TMEM214: variants seen among roughly 807,000 people sequenced by gnomAD.
The protein encoded by TMEM214 is transmembrane protein 214.
TMEM214 carries 71 observed loss-of-function variants against 89.8 expected under a neutral mutation model. That is an observed-to-expected ratio of 0.79 (90% CI 0.65 to 0.96). The LOEUF (loss-of-function observed/expected upper bound fraction) is 0.96, where lower values mean the gene tolerates loss of function less well. Among genes scored for constraint, TMEM214 ranks in the 40% least tolerant of loss-of-function variants. TMEM214 has a pLI of 0.00. For synonymous variants in TMEM214, 332 were observed against 349.5 expected, an observed-to-expected ratio of 0.95 and a Z score of 0.56; for missense variants, 754 against 843.4, an observed-to-expected ratio of 0.89 and a Z score of 1.31.
Position 27,038,654 on chromosome 2 carries a change from G to T in TMEM214, c.1294-48G>T, listed in dbSNP as rs773307892. ...CCTGTTGGCATGGAAAATGAAGCAG[G>T]ATGGAAGCTCTGGATTCCCTCACAG... On this transcript the variant is annotated intron_variant, in intron 11 of 16. Coordinates refer to ENST00000238788, the MANE Select transcript of TMEM214 (RefSeq NM_017727.5). This position sits in a 1 kb window ranked among gnomAD's most constrained non-coding sequence, Gnocchi z 4.4. The T allele has an allele frequency of 6.2e-7, 1 of 1,606,482 alleles. No homozygotes were observed.
At chr2:27,034,341 G>A in intron 2 of TMEM214, 75 bp downstream of exon 2, 1 of 1,510,106 alleles carries the variant, frequency 6.6e-7, no homozygotes, top group Non-Finnish European at 9.0e-7. Flanking sequence ...AGGGGGAGGT[G>A]GATGGGCAGC....
At position 27,038,796 on chromosome 2, in the gene TMEM214, C is replaced by T; in HGVS notation, c.1388C>T (p.Thr463Ile). Reference sequence around the variant, plus strand: ...AGCAGTAACAACCAGGATGTCGTCACCTGTGACATGGCCTGCAAGGTGCTG... The same window carrying T: ...AGCAGTAACAACCAGGATGTCGTCATCTGTGACATGGCCTGCAAGGTGCTG... ...KGSSNNQDVVTCDMACKGLLQ... is the reference protein window; with the variant it reads ...KGSSNNQDVVICDMACKGLLQ... Residue 463 changes from threonine to isoleucine, a missense_variant, in exon 12 of 17, where the codon ACC (threonine) becomes ATC (isoleucine). Coordinates refer to ENST00000238788, the MANE Select transcript of TMEM214 (RefSeq NM_017727.5). This position sits in a 1 kb window ranked among gnomAD's most constrained non-coding sequence, Gnocchi z 4.4. The T allele has an allele frequency of 6.2e-7, 1 of 1,614,122 alleles. No homozygotes were observed. The highest frequency in any genetic ancestry group is 8.5e-7 in the Non-Finnish European group (1 of 1,179,970).
At position 27,040,557 on chromosome 2, in the gene TMEM214, G is replaced by A. The variant is rs553512842; in HGVS notation, c.1943+61G>A. The A allele has an allele frequency of 1.1e-4, 176 of 1,596,388 alleles. No homozygotes were observed. The Admixed American group carries it at 2.7e-3, about 25-fold the overall frequency. ...AGCAGCCCCATTCCCGGGCCCCAGG[G>A]ACAAGCCATCTCTATCCAGTCTCCC... On this transcript the variant is annotated intron_variant, in intron 16 of 16. Transcript: ENST00000238788.
chr2:27,035,596 T>G lies in TMEM214; in HGVS notation c.505T>G (p.Tyr169Asp). The G allele has an allele frequency of 6.2e-7, 1 of 1,614,154 alleles. No individual in the cohort carries two copies. Among genetic ancestry groups the G allele is most frequent in the Non-Finnish European group, 8.5e-7 (1 of 1,180,028 alleles). The change falls in exon 4 of 17, where the codon TAT becomes GAT. Residue 169 changes from tyrosine to aspartate, a missense_variant and splice_region_variant. Physicochemically the swap from Tyr to Asp is radical, Grantham distance 160. Transcript: ENST00000238788. ...ACATTGAGGCCTATGGGCCTTAGAT[T>G]ATCCCTACAGCCTGGTGAGCCGGGA... ...EPTLSQHTHD[Y>D]PYSLVSRELR...
chr2:27,041,181 AAAGATAG>A lies in TMEM214; in HGVS notation c.*347_*353del, dbSNP rs1177352027. 2 of 232,412 alleles carry A rather than the reference AAAGATAG, an allele frequency of 8.6e-6. No individual in the cohort carries two copies. Among genetic ancestry groups the A allele is most frequent in the Non-Finnish European group, 1.7e-5 (2 of 115,896 alleles). The allele number at this position is 232,412 out of a possible 1,614,324, so 14.4% of individuals were successfully genotyped here. On this transcript the variant is annotated 3_prime_UTR_variant, in exon 17 of 17. Coordinates refer to ENST00000238788, the MANE Select transcript of TMEM214 (RefSeq NM_017727.5). ...TAAACCCCAAACAGCTCATCTCTAAAAAGATAGAACTCCCAGCAGGTGGCTTCTGTGT... is the reference window on the plus strand; with the variant it reads ...TAAACCCCAAACAGCTCATCTCTAAAAACTCCCAGCAGGTGGCTTCTGTGT...
At chr2:27,035,383 T>C (rs2304714) in intron 3 of TMEM214, 98 bp downstream of exon 3, 1 of 1,515,664 alleles carries the variant, frequency 6.6e-7, no homozygotes, top group Non-Finnish European at 9.0e-7. Context: ...CTGATTTCCA[T>C]GGGTGATTTG....
intron 13 of TMEM214, 132 bp downstream of exon 13, chr2:27,039,296 A>G: frequency 1.3e-6 from 1 of 742,274 alleles, no homozygotes; most frequent in Non-Finnish European, 2.2e-6. Context: ...TAAACACTTT[A>G]CAGACAGATT....
rs1375695028 is a variant in TMEM214, at chr2:27,035,303, C to T, written c.502+18C>T. 2 of 1,614,054 alleles carry T rather than the reference C, an allele frequency of 1.2e-6. No individual in the cohort carries two copies. The highest frequency in any genetic ancestry group is 3.3e-5 in the Admixed American group (2 of 60,006). On this transcript the variant is annotated intron_variant, in intron 3 of 16. Transcript: ENST00000238788. Reference sequence around the variant, plus strand: ...TACTCATGGTAAGTCCTTCCAGCTTCCTCAAGCTCAGACAAGTTCAAATAA... The same window carrying T: ...TACTCATGGTAAGTCCTTCCAGCTTTCTCAAGCTCAGACAAGTTCAAATAA...
chr2:27,033,060 G>C lies in TMEM214; in HGVS notation c.45G>C (p.Lys15Asn). The change falls in exon 1 of 17, where the codon AAG becomes AAC. Residue 15 changes from lysine (K) to asparagine (N), a missense_variant. Coordinates refer to ENST00000238788, the MANE Select transcript of TMEM214 (RefSeq NM_017727.5). ...TAGVGRWEVV[K>N]KGRRPGVGAG... ...GCGTGGGGCGGTGGGAGGTAGTGAA[G>C]AAGGGTCGGCGGCCTGGGGTCGGCG... 8.0e-7 allele frequency: 1 copy of C among 1,247,748 alleles called. No individual in the cohort carries two copies. Among genetic ancestry groups the C allele is most frequent in the Non-Finnish European group, 1.0e-6 (1 of 988,056 alleles). 77.3% of individuals were successfully genotyped at this position (1,247,748 alleles called of 1,614,324 possible). A position where few individuals can be genotyped will look rare whatever the true frequency, so the allele number is the denominator to read the frequency against.
intron 16 of TMEM214, 96 bp from the exon 17 acceptor site, chr2:27,040,615 C>A: frequency 6.3e-7 from 1 of 1,585,482 alleles, no homozygotes; most frequent in South Asian, 1.1e-5. Context: ...CATTCCTGGC[C>A]ACCCTGGGAT....
Position 27,036,906 on chromosome 2 carries a change from C to T in TMEM214, c.908+120C>T, listed in dbSNP as rs973050970. On this transcript the variant is annotated intron_variant, in intron 7 of 16. Coordinates refer to ENST00000238788, the MANE Select transcript of TMEM214 (RefSeq NM_017727.5). The stretch of plus-strand genomic sequence containing the variant: ...TGAGGAAAATCAGGACCAGCTTCTC[C>T]CACCACCTTAGAATGTGATGGTGAG... 4 of 1,178,210 alleles carry T rather than the reference C, an allele frequency of 3.4e-6. No homozygotes were observed. In the South Asian group the frequency reaches 3.7e-5, roughly 11 times the overall value. The allele number at this position is 1,178,210 out of a possible 1,614,324, so 73.0% of individuals were successfully genotyped here.
rs1667676816 is a variant in TMEM214, at chr2:27,038,606, C to T, written c.1293+74C>T. The stretch of plus-strand genomic sequence containing the variant: ...GTTCTGAGTGGGGGCTCCTCAGCCA[C>T]TGTCCCTTCCCTGAGAAGGGACCCT... On this transcript the variant is annotated intron_variant, in intron 11 of 16. Transcript: ENST00000238788. This position sits in a 1 kb window ranked among gnomAD's most constrained non-coding sequence, Gnocchi z 4.4. 5 of 1,606,948 alleles carry T rather than the reference C, an allele frequency of 3.1e-6. No individual in the cohort carries two copies. The highest frequency in any genetic ancestry group is 2.7e-5 in the African/African-American group (2 of 74,790).
In TMEM214 at chr2:27,039,848, C is replaced by G; in HGVS notation, c.1622+11C>G. ...TCTGCAAGGCTACAGGTGAGCTCCT[C>G]CCAGGGAGGGGAGAGGAGAGGCAGA... On this transcript the variant is annotated intron_variant, in intron 14 of 16. Coordinates refer to ENST00000238788, the MANE Select transcript of TMEM214 (RefSeq NM_017727.5). 1 of 1,613,958 alleles carries G rather than the reference C, an allele frequency of 6.2e-7. No individual in the cohort carries two copies. The highest frequency in any genetic ancestry group is 8.5e-7 in the Non-Finnish European group (1 of 1,179,882).
Position 27,038,508 on chromosome 2 carries a change from C to T in TMEM214, c.1269C>T (p.Ser423=), listed in dbSNP as rs1362885007. The change falls in exon 11 of 17, where the codon AGC becomes AGT. Residue 423 remains serine, a synonymous_variant. Transcript: ENST00000238788. This position sits in a 1 kb window ranked among gnomAD's most constrained non-coding sequence, Gnocchi z 4.4. ...GCCTTCTGCTGGAGCACTTGCTCAG[C>T]TCCTGGGAGCAGATTCCCAAGAAGG... ...QSSLLLEHLL[S]SWEQIPKKVQ... is the part of the protein sequence containing the mutation. 6.2e-7 allele frequency: 1 copy of T among 1,613,990 alleles called. No homozygotes were observed. Among genetic ancestry groups the T allele is most frequent in the African/African-American group, 1.3e-5 (1 of 74,922 alleles).
intron 6 of TMEM214, 23 bp from the exon 7 acceptor site, chr2:27,036,682 C>G: frequency 6.2e-7 from 1 of 1,614,120 alleles, no homozygotes; most frequent in Non-Finnish European, 8.5e-7. Flanking sequence ...CTGAGGCCTC[C>G]CTCGTGACTT....
chr2:27,037,673 C>G lies in TMEM214; in HGVS notation c.1123C>G (p.Pro375Ala), dbSNP rs202159945. The G allele has an allele frequency of 7.4e-5, 120 of 1,614,052 alleles. No individual in the cohort carries two copies. The highest frequency in any genetic ancestry group is 5.1e-6 in the Non-Finnish European group (6 of 1,180,030). The change falls in exon 9 of 17, where the codon CCT (proline) becomes GCT (alanine). Residue 375 changes from proline to alanine, a missense_variant. Pro to Ala is a conservative substitution (Grantham distance 27). Transcript: ENST00000238788. ...YFPSFLSRATPSCPPEMKKEL... is the reference protein window; with the variant it reads ...YFPSFLSRATASCPPEMKKEL... ...CCCTTCTTTCCTGTCCAGAGCCACC[C>G]CTAGCTGTCCCCCTGAGATGAAGAA...
At position 27,038,562 on chromosome 2, in the gene TMEM214, A is replaced by G; in HGVS notation, c.1293+30A>G. ...GGAGCTGGGAGGACGTGGCAGGTTG[A>G]GCCCTGTCTGGATTCTAGGTTCTGA... is the stretch of plus-strand genomic sequence containing the variant. On this transcript the variant is annotated intron_variant, in intron 11 of 16. Coordinates refer to ENST00000238788, the MANE Select transcript of TMEM214 (RefSeq NM_017727.5). This position sits in a 1 kb window ranked among gnomAD's most constrained non-coding sequence, Gnocchi z 4.4. 1 of 1,613,694 alleles carries G rather than the reference A, an allele frequency of 6.2e-7. No homozygotes were observed. The highest frequency in any genetic ancestry group is 1.7e-5 in the Admixed American group (1 of 60,000).
rs1317344133 is a variant in TMEM214 at position 27,036,594 on chromosome 2, TA to T, written c.826+4del. 5 of 1,613,832 alleles carry T rather than the reference TA, an allele frequency of 3.1e-6. No individual in the cohort carries two copies. Among genetic ancestry groups the T allele is most frequent in the Non-Finnish European group, 4.2e-6 (5 of 1,179,916 alleles). ...CCAACCTCACCGAGGGACTGAAAGG[TA>T]ACAGGGAAATAGGGAAGAAAGAGGG... On this transcript the variant is annotated splice_donor_region_variant and intron_variant, in intron 6 of 16. Transcript: ENST00000238788.
Position 27,040,910 on chromosome 2 carries a change from T to C in TMEM214, c.*73T>C. The C allele has an allele frequency of 6.4e-7, 1 of 1,568,470 alleles. No individual in the cohort carries two copies. Reference sequence around the variant, plus strand: ...ACTGCAGCGGGTAGAAGGTGGCAGTTCTTCATGGGAGTCTTTTTAACTTGG... The same window carrying C: ...ACTGCAGCGGGTAGAAGGTGGCAGTCCTTCATGGGAGTCTTTTTAACTTGG... On this transcript the variant is annotated 3_prime_UTR_variant, in exon 17 of 17. Coordinates refer to ENST00000238788, the MANE Select transcript of TMEM214 (RefSeq NM_017727.5).
Sources: allele counts gnomAD v4.1 joint callset, GRCh38; gene constraint gnomAD v4.1.1; non-coding constraint Gnocchi (gnomAD v3.1); transcripts MANE v1.5; gene names NCBI Gene and HGNC (gene_info 2026-07-23, HGNC 2026-07-21).